PEBP4: variants seen among roughly 807,000 people sequenced by gnomAD.
The protein encoded by PEBP4 is phosphatidylethanolamine binding protein 4, also known as phosphatidylethanolamine-binding protein 4.
A neutral mutation model predicts 23.9 loss-of-function variants in PEBP4; 22 were observed. The observed-to-expected ratio is 0.92, with a 90% confidence interval of 0.66 to 1.31. PEBP4 has a LOEUF of 1.31. Ranked by LOEUF, PEBP4 falls within the 40% of genes most tolerant of loss-of-function variation. The pLI is 0.00. For missense variants in PEBP4, 324 were observed against 281.7 expected, an observed-to-expected ratio of 1.15 and a Z score of -1.07; for synonymous variants, 112 against 99.3, an observed-to-expected ratio of 1.13 and a Z score of -0.76.
At chr8:22,769,725 G>A (rs377093690) in intron 4 of PEBP4, among the ~76,000 whole-genome samples, 5 of 151,668 alleles carry the variant, frequency 3.3e-5, no homozygotes, top group East Asian at 3.9e-4. Flanking sequence ...TCAAAATGTC[G>A]CCAGCATATG....
intron 3 of PEBP4, among the ~76,000 whole-genome samples, chr8:22,854,929 TGTG>T: frequency 1.1e-5 from 1 of 93,388 alleles, no homozygotes; most frequent in East Asian, 3.3e-4. Context: ...GATTAGAATG[TGTG>T]TGTGTGTGTG....
Position 22,927,907 on chromosome 8 carries a change from G to T in PEBP4, c.-91C>A. 1.6e-6 allele frequency: 1 copy of T among 610,948 alleles called. No individual in the cohort carries two copies. Among genetic ancestry groups the T allele is most frequent in the East Asian group, 3.1e-5 (1 of 31,816 alleles). 37.8% of individuals were successfully genotyped at this position (610,948 alleles called of 1,614,324 possible). On this transcript the variant is annotated 5_prime_UTR_variant, in exon 1 of 7. Transcript: ENST00000256404. ...CCACCACCCGGACACAAGTACTTTG[G>T]GAGGACTGGGCCTCTTCCAAGTTGG...
intron 4 of PEBP4, among the ~76,000 whole-genome samples, chr8:22,739,117 C>G (rs1453258106): frequency 6.6e-6 from 1 of 152,086 alleles, no homozygotes; most frequent in Non-Finnish European, 1.5e-5. Flanking sequence ...TGCTCTGTTA[C>G]CCACCCAGGG....
intron 3 of PEBP4, among the ~76,000 whole-genome samples, chr8:22,837,333 T>C (rs772622661): frequency 3.3e-5 from 5 of 152,064 alleles, no homozygotes; most frequent in Non-Finnish European, 7.4e-5. Flanking sequence ...AAAAGAAAAA[T>C]CAGGCCGTGA....
chr8:22,794,022 G>A (rs991957493), intron 4 of PEBP4, among the ~76,000 whole-genome samples: 5 of 152,304 alleles, frequency 3.3e-5, no homozygotes, highest in African/African-American at 7.2e-5. Flanking sequence ...TTGGGGAGGG[G>A]TAGGGAGAGG....
intron 3 of PEBP4, among the ~76,000 whole-genome samples, chr8:22,907,150 C>G (rs1205634768): frequency 6.6e-6 from 1 of 152,118 alleles, no homozygotes; most frequent in Non-Finnish European, 1.5e-5. Context: ...ATAAAGCATG[C>G]CCCATGCAGT....
intron 3 of PEBP4, among the ~76,000 whole-genome samples, chr8:22,847,443 A>C (rs528580991): frequency 1.3e-4 from 20 of 152,294 alleles, no homozygotes; most frequent in Admixed American, 9.8e-4. Flanking sequence ...GAAATTCAGA[A>C]CACCATCATG....
intron 4 of PEBP4, among the ~76,000 whole-genome samples, chr8:22,763,710 C>G (rs902110832): frequency 2.0e-5 from 3 of 152,186 alleles, no homozygotes; most frequent in African/African-American, 4.8e-5. Flanking sequence ...GAAAGTTTGC[C>G]TTCTCAACCG....
At chr8:22,868,215 G>A (rs572427680) in intron 3 of PEBP4, among the ~76,000 whole-genome samples, 1 of 152,296 alleles carries the variant, frequency 6.6e-6, no homozygotes, top group Admixed American at 6.5e-5. Context: ...GCTGGAGACG[G>A]GAAAACACCC....
chr8:22,929,702 T>A (rs1445155873), upstream of PEBP4, among the ~76,000 whole-genome samples: 1 of 152,094 alleles, frequency 6.6e-6, no homozygotes, highest in East Asian at 1.9e-4. Flanking sequence ...CTGGGTTGAG[T>A]CCATTGAGTC....
At chr8:22,813,012 G>T (rs1277976805) in intron 4 of PEBP4, among the ~76,000 whole-genome samples, 1 of 151,736 alleles carries the variant, frequency 6.6e-6, no homozygotes, top group South Asian at 2.1e-4. Context: ...TCAAGCACAA[G>T]TGTCCTGGCA....
intron 3 of PEBP4, among the ~76,000 whole-genome samples, chr8:22,847,103 C>T (rs1176427433): frequency 6.6e-6 from 1 of 152,174 alleles, no homozygotes; most frequent in African/African-American, 2.4e-5. Context: ...TCCACACCCC[C>T]AAAACAAGTC....
intron 3 of PEBP4, chr8:22,879,400 A>G (rs1808196045): frequency 6.6e-6 from 1 of 152,258 alleles, no homozygotes; most frequent in African/African-American, 2.4e-5. Flanking sequence ...TTGTGAACGC[A>G]TGAATTGGTG....
At chr8:22,798,925 A>G (rs1806326640) in intron 4 of PEBP4, among the ~76,000 whole-genome samples, 1 of 151,076 alleles carries the variant, frequency 6.6e-6, no homozygotes, top group African/African-American at 2.4e-5. Context: ...TTTAGTATAG[A>G]CAGGGTTTCA....
chr8:22,897,176 T>C (rs971268427), intron 3 of PEBP4, among the ~76,000 whole-genome samples: 8 of 152,116 alleles, frequency 5.3e-5, no homozygotes, highest in African/African-American at 1.7e-4. Context: ...ATTGAGAAAA[T>C]ACAGCCCCTT....
chr8:22,938,392 T>G (rs1044645478), intron 1 of PEBP4, among the ~76,000 whole-genome samples: 8 of 152,244 alleles, frequency 5.3e-5, no homozygotes, highest in African/African-American at 1.9e-4. Context: ...CTCACCTTCA[T>G]GTGCTATTTA....
Position 22,871,617 on chromosome 8 carries a change from C to T in PEBP4, c.258+48567G>A, listed in dbSNP as rs140006209. ...GTTGCCAGACTGGAGTGCAGTGGTA[C>T]GATCTTGGCTCACTGCAACCTCCAA... is the stretch of plus-strand genomic sequence containing the variant. On this transcript the variant is annotated intron_variant, in intron 3 of 6. Coordinates refer to ENST00000256404, the MANE Select transcript of PEBP4 (RefSeq NM_144962.3). Among the ~76,000 whole-genome samples the T allele has an allele frequency of 3.6e-3, 516 of 141,984 alleles. 6 individuals are homozygous for T. The highest frequency in any genetic ancestry group is 0.035 in the East Asian group (162 of 4,694). 93.1% of individuals were successfully genotyped at this position (141,984 alleles called of 152,430 possible).
At chr8:22,758,262 T>C (rs1805432900) in intron 4 of PEBP4, 1 of 152,236 alleles carries the variant, frequency 6.6e-6, no homozygotes. Flanking sequence ...GGTGACCCTT[T>C]CACTTCGTGT....
Position 22,824,869 on chromosome 8 carries a change from C to T in PEBP4, c.259-7134G>A, listed in dbSNP as rs62494996. ...GTAAATATGGATAAAGCTGCACTCA[C>T]TGGCCCACCATTTACCTCCTGCTGT... On this transcript the variant is annotated intron_variant, in intron 3 of 6. Coordinates refer to ENST00000256404, the MANE Select transcript of PEBP4 (RefSeq NM_144962.3). Among the ~76,000 whole-genome samples the T allele has an allele frequency of 6.6e-3, 998 of 152,296 alleles. 3 individuals are homozygous for T. Among genetic ancestry groups the T allele is most frequent in the Non-Finnish European group, 9.7e-3 (659 of 68,022 alleles).
Sources: allele counts gnomAD v4.1 joint callset (sites outside exome capture counted in the v4.1 genomes callset), GRCh38; gene constraint gnomAD v4.1.1; transcripts MANE v1.5; gene names NCBI Gene and HGNC (gene_info 2026-07-23, HGNC 2026-07-21).